Variants in TSHZ1 observed in about 807,000 individuals in gnomAD.
The protein encoded by TSHZ1 is teashirt homolog 1.
TSHZ1 carries 12 observed loss-of-function variants against 67.1 expected under a neutral mutation model. That is an observed-to-expected ratio of 0.18 (90% CI 0.11 to 0.29). The LOEUF is 0.29. Among genes scored for constraint, TSHZ1 ranks in the 10% least tolerant of loss-of-function variants. The pLI, the probability that TSHZ1 is intolerant of heterozygous loss-of-function variation, is 1.00. For missense variants in TSHZ1, 1,305 were observed against 1,413.9 expected, an observed-to-expected ratio of 0.92 and a Z score of 1.23; for synonymous variants, 632 against 622.4, an observed-to-expected ratio of 1.02 and a Z score of -0.23.
chr18:75,233,878 A>C (rs993965765), intron 1 of TSHZ1, among the ~76,000 whole-genome samples: 2 of 152,146 alleles, frequency 1.3e-5, no homozygotes, highest in Non-Finnish European at 2.9e-5. Context: ...CTGGGTGGGA[A>C]GACTGTCTTT....
chr18:75,244,662 G>A (rs62089813), intron 1 of TSHZ1: 19,939 of 152,252 alleles, frequency 0.13, 1,598 homozygotes, highest in East Asian at 0.26. Flanking sequence ...CCAATCTTGA[G>A]TCCGTCCTTG....
chr18:75,237,607 T>C (rs1238486373), intron 1 of TSHZ1, among the ~76,000 whole-genome samples: 1 of 152,138 alleles, frequency 6.6e-6, no homozygotes, highest in African/African-American at 2.4e-5. Flanking sequence ...AACATATATG[T>C]ACACACCTTT....
At chr18:75,212,200 T>G (rs2022705424) in intron 1 of TSHZ1, among the ~76,000 whole-genome samples, 1 of 152,148 alleles carries the variant, frequency 6.6e-6, no homozygotes, top group African/African-American at 2.4e-5. Flanking sequence ...CGGCGGGTGC[T>G]TCTGGCTACC....
chr18:75,263,310 A>G (rs2023452576), intron 1 of TSHZ1, among the ~76,000 whole-genome samples: 3 of 152,174 alleles, frequency 2.0e-5, no homozygotes, highest in Admixed American at 2.0e-4. Flanking sequence ...TGCTAGGTCT[A>G]CCTGCACTTC....
chr18:75,271,759 C>T (rs1405801878), intron 1 of TSHZ1, among the ~76,000 whole-genome samples: 3 of 151,680 alleles, frequency 2.0e-5, no homozygotes, highest in Non-Finnish European at 2.9e-5. Flanking sequence ...TCCCCACCCC[C>T]TTAACGCACC....
In TSHZ1 at chr18:75,285,804, G is replaced by C; in HGVS notation, c.397G>C (p.Ala133Pro). 1 of 1,614,112 alleles carries C rather than the reference G, an allele frequency of 6.2e-7. No individual in the cohort carries two copies. Among genetic ancestry groups the C allele is most frequent in the South Asian group, 1.1e-5 (1 of 91,076 alleles). Reference protein sequence around the residue: ...LFSESCWSSLALDLKKSGSTT... With the variant: ...LFSESCWSSLPLDLKKSGSTT... ...CTCCGAGTCCTGCTGGTCCAGCTTAGCTCTGGATTTAAAGAAGTCGGGTTC... is the reference window on the plus strand; with the variant it reads ...CTCCGAGTCCTGCTGGTCCAGCTTACCTCTGGATTTAAAGAAGTCGGGTTC... Residue 133 changes from alanine (A) to proline (P), a missense_variant, in exon 2 of 2, where the codon GCT becomes CCT. Physicochemically the swap from Ala to Pro is conservative, Grantham distance 27. Transcript: ENST00000580243.
chr18:75,255,584 C>T (rs1402985230), intron 1 of TSHZ1, among the ~76,000 whole-genome samples: 1 of 152,136 alleles, frequency 6.6e-6, no homozygotes, highest in Non-Finnish European at 1.5e-5. Flanking sequence ...CAGGAAAATG[C>T]CAGTTGTATT....
intron 1 of TSHZ1, among the ~76,000 whole-genome samples, chr18:75,278,361 A>G (rs1445095939): frequency 6.6e-6 from 1 of 152,196 alleles, no homozygotes; most frequent in Non-Finnish European, 1.5e-5. Context: ...TACGGAGGCC[A>G]AGGTGCTGGG....
intron 1 of TSHZ1, among the ~76,000 whole-genome samples, chr18:75,230,285 C>T (rs1307105953): frequency 7.2e-5 from 11 of 152,176 alleles, no homozygotes; most frequent in Non-Finnish European, 2.9e-5. Flanking sequence ...TTCAGCAGCT[C>T]CTGTCCGTCC....
In TSHZ1 at chr18:75,287,167, G is replaced by A. The variant is rs779379359; in HGVS notation, c.1760G>A (p.Gly587Asp). ...PSIHAAYQLP[G>D]TVKPLPAAVQ... is the part of the protein sequence containing the mutation. The stretch of plus-strand genomic sequence containing the variant: ...ATCCATGCAGCCTACCAGCTCCCGG[G>A]CACCGTGAAGCCACTGCCGGCGGCC... The change falls in exon 2 of 2, where the codon GGC (glycine) becomes GAC (aspartate). Residue 587 changes from glycine to aspartate, a missense_variant. Transcript: ENST00000580243. The surrounding 1 kb of genome is among the most constrained non-coding windows in gnomAD (Gnocchi z 5.0). The A allele has an allele frequency of 6.2e-6, 10 of 1,613,666 alleles. No individual in the cohort carries two copies. Among genetic ancestry groups the A allele is most frequent in the African/African-American group, 1.3e-5 (1 of 74,944 alleles).
At chr18:75,261,109 C>T (rs781561487) in intron 1 of TSHZ1, among the ~76,000 whole-genome samples, 2 of 151,772 alleles carry the variant, frequency 1.3e-5, no homozygotes, top group Admixed American at 6.6e-5. Flanking sequence ...TCCAGTTCCG[C>T]GATGTACCCG....
At position 75,225,156 on chromosome 18, in the gene TSHZ1, C is replaced by A. The variant is rs560819869; in HGVS notation, c.40+13240C>A. 7.9e-5 allele frequency among the ~76,000 whole-genome samples: 12 copies of A among 152,230 alleles called. No individual in the cohort carries two copies. In the South Asian group the frequency reaches 2.5e-3, roughly 32 times the overall value. On this transcript the variant is annotated intron_variant, in intron 1 of 1. Coordinates refer to ENST00000580243, the MANE Select transcript of TSHZ1 (RefSeq NM_001308210.2). ...TGGAGACATGTCAGTGCACGTGGGACGTGGAAGCTGCACAAGGGGTGTTCT... is the reference window on the plus strand; with the variant it reads ...TGGAGACATGTCAGTGCACGTGGGAAGTGGAAGCTGCACAAGGGGTGTTCT...
At chr18:75,273,931 A>T (rs2023585599) in intron 1 of TSHZ1, among the ~76,000 whole-genome samples, 1 of 152,218 alleles carries the variant, frequency 6.6e-6, no homozygotes, top group South Asian at 2.1e-4. Context: ...ACTCACCTGC[A>T]CACACTCACA....
chr18:75,266,036 G>T (rs2023486768), intron 1 of TSHZ1, among the ~76,000 whole-genome samples: 1 of 152,174 alleles, frequency 6.6e-6, no homozygotes, highest in South Asian at 2.1e-4. Flanking sequence ...ACAGAGACCT[G>T]CACTGCTCAC....
Position 75,287,734 on chromosome 18 carries a change from A to G in TSHZ1, c.2327A>G (p.Lys776Arg). 6.2e-7 allele frequency: 1 copy of G among 1,614,124 alleles called. No individual in the cohort carries two copies. Among genetic ancestry groups the G allele is most frequent in the South Asian group, 1.1e-5 (1 of 91,082 alleles). ...PSLDPLAMLY[K>R]ISNSMLDKPV... ...CTGGACCCGCTGGCGATGCTGTACA[A>G]GATCAGCAACAGCATGCTGGACAAG... The change falls in exon 2 of 2, where the codon AAG (lysine) becomes AGG (arginine). Residue 776 changes from lysine (K) to arginine (R), a missense_variant. Coordinates refer to ENST00000580243, the MANE Select transcript of TSHZ1 (RefSeq NM_001308210.2). This position sits in a 1 kb window ranked among gnomAD's most constrained non-coding sequence, Gnocchi z 5.0.
chr18:75,215,967 T>C (rs2122511254), intron 1 of TSHZ1, among the ~76,000 whole-genome samples: 1 of 151,484 alleles, frequency 6.6e-6, no homozygotes, highest in East Asian at 1.9e-4. Context: ...TGTGTCTGTG[T>C]GTTTGTGTTT....
intron 1 of TSHZ1, among the ~76,000 whole-genome samples, chr18:75,244,051 T>C (rs1354692168): frequency 6.6e-6 from 1 of 152,082 alleles, no homozygotes; most frequent in African/African-American, 2.4e-5. Context: ...GGAAAAAGCT[T>C]GTTGGAAGGG....
chr18:75,280,900 T>TCATCCCTCCAG, intron 1 of TSHZ1: 1 of 883,046 alleles, frequency 1.1e-6, no homozygotes, highest in East Asian at 1.2e-4. Flanking sequence ...TGAGCCTCCC[T>TCATCCCTCCAG]GGAGGGATGA....
At position 75,288,745 on chromosome 18, in the gene TSHZ1, C is replaced by T. The variant is rs966311396; in HGVS notation, c.*104C>T. 64 of 1,491,064 alleles carry T rather than the reference C, an allele frequency of 4.3e-5. No homozygotes were observed. The Admixed American group carries it at 1.0e-3, about 24-fold the overall frequency. 92.4% of individuals were successfully genotyped at this position (1,491,064 alleles called of 1,614,324 possible). ...ATCAGTCTTTCCTTTGTTGCTGGCC[C>T]GCCTCTCTGGACCTTGGTTTTCTTA... is the stretch of plus-strand genomic sequence containing the variant. On this transcript the variant is annotated 3_prime_UTR_variant, in exon 2 of 2. Coordinates refer to ENST00000580243, the MANE Select transcript of TSHZ1 (RefSeq NM_001308210.2). The surrounding 1 kb of genome is among the most constrained non-coding windows in gnomAD (Gnocchi z 4.9).
Sources: allele counts gnomAD v4.1 joint callset (sites outside exome capture counted in the v4.1 genomes callset), GRCh38; gene constraint gnomAD v4.1.1; non-coding constraint Gnocchi (gnomAD v3.1); transcripts MANE v1.5; gene names NCBI Gene and HGNC (gene_info 2026-07-23, HGNC 2026-07-21).